Variants in IL15RA observed in about 807,000 individuals in gnomAD.
The protein encoded by IL15RA is interleukin-15 receptor subunit alpha.
IL15RA carries 26 observed loss-of-function variants against 24.2 expected under a neutral mutation model. The ratio of observed to expected loss-of-function variants is 1.07; its 90% CI spans 0.79 to 1.49. IL15RA has a LOEUF of 1.49. Among genes scored for constraint, IL15RA ranks in the 40% most tolerant of loss-of-function variants. The pLI is 0.00. For synonymous variants in IL15RA, 166 were observed against 157.6 expected, an observed-to-expected ratio of 1.05 and a Z score of -0.40; for missense variants, 354 against 356.4, an observed-to-expected ratio of 0.99 and a Z score of 0.05.
upstream of IL15RA, among the ~76,000 whole-genome samples, chr10:5,978,556 C>T (rs1186258589): frequency 1.3e-5 from 2 of 152,130 alleles, no homozygotes; most frequent in African/African-American, 4.8e-5. The surrounding 1 kb of genome is among the most constrained non-coding windows in gnomAD (Gnocchi z 5.2). Flanking sequence ...CACAGGTTTA[C>T]CTTTATAACA....
rs1367933509 is a variant in IL15RA at position 5,959,438 on chromosome 10, G to A, written c.616+316C>T. ...GCTGGCATCAGCACCTGTAGTTTTG[G>A]ATGCTCCATGCAAAAGAGGTGCACC... On this transcript the variant is annotated intron_variant, in intron 5 of 6. Coordinates refer to ENST00000379977, the MANE Select transcript of IL15RA (RefSeq NM_002189.4). The surrounding 1 kb of genome is among the most constrained non-coding windows in gnomAD (Gnocchi z 4.1). Among the ~76,000 whole-genome samples the A allele has an allele frequency of 6.6e-6, 1 of 152,304 alleles. No homozygotes were observed. Among genetic ancestry groups the A allele is most frequent in the African/African-American group, 2.4e-5 (1 of 41,580 alleles).
rs1021448525 is a variant in IL15RA, at chr10:5,966,494, G to A, written c.89-155C>T. On this transcript the variant is annotated intron_variant, in intron 1 of 6. Transcript: ENST00000379977. The surrounding 1 kb of genome is among the most constrained non-coding windows in gnomAD (Gnocchi z 6.4). ...GGCACGTGGAGGATGTACAGGAAGA[G>A]CATCCTCACCCAGAAGCCTTCCTGG... is the stretch of plus-strand genomic sequence containing the variant. 6.6e-6 allele frequency among the ~76,000 whole-genome samples: 1 copy of A among 152,132 alleles called. No homozygotes were observed. The highest frequency in any genetic ancestry group is 1.5e-5 in the Non-Finnish European group (1 of 68,004).
intron 5 of IL15RA, among the ~76,000 whole-genome samples, chr10:5,957,073 C>T (rs1303987842): frequency 1.3e-5 from 2 of 151,414 alleles, no homozygotes; most frequent in African/African-American, 4.9e-5. Flanking sequence ...GATTCTCCTG[C>T]CTCAGCCTTC....
chr10:5,956,569 C>T (rs1834548716), intron 5 of IL15RA, 115 bp from the exon 6 acceptor site: 1 of 743,140 alleles, frequency 1.3e-6, no homozygotes, highest in Middle Eastern at 2.3e-4. Flanking sequence ...CAACCAGCCT[C>T]CTGCTAAGGA....
rs572892892 is a variant in IL15RA at position 5,965,205 on chromosome 10, C to T, written c.283+940G>A. Among the ~76,000 whole-genome samples, 83 of 148,554 alleles carry T rather than the reference C, an allele frequency of 5.6e-4. No individual in the cohort carries two copies. Among genetic ancestry groups the T allele is most frequent in the African/African-American group, 1.9e-3 (77 of 40,466 alleles). On this transcript the variant is annotated intron_variant, in intron 2 of 6. Transcript: ENST00000379977. The surrounding 1 kb of genome is among the most constrained non-coding windows in gnomAD (Gnocchi z 5.8). ...CGAGATGGTTTGGCTGCTTCTGGGA[C>T]GTTTATCCAGGTGCAGACAGTTAAA...
In IL15RA at chr10:5,959,871, G is replaced by T; in HGVS notation, c.584-85C>A. ...AGCAGGAGAAAATCTGCATGGCTTGGCTCCCATCTTAGCACCCTGGGAGAC... is the reference window on the plus strand; with the variant it reads ...AGCAGGAGAAAATCTGCATGGCTTGTCTCCCATCTTAGCACCCTGGGAGAC... On this transcript the variant is annotated intron_variant, in intron 4 of 6. Coordinates refer to ENST00000379977, the MANE Select transcript of IL15RA (RefSeq NM_002189.4). This position sits in a 1 kb window ranked among gnomAD's most constrained non-coding sequence, Gnocchi z 4.1. 2 of 1,345,524 alleles carry T rather than the reference G, an allele frequency of 1.5e-6. No homozygotes were observed. The highest frequency in any genetic ancestry group is 1.1e-6 in the Non-Finnish European group (1 of 944,706). 83.3% of individuals were successfully genotyped at this position (1,345,524 alleles called of 1,614,324 possible).
Position 5,963,109 on chromosome 10 carries a change from C to T in IL15RA, c.382+634G>A, listed in dbSNP as rs1835875602. Among the ~76,000 whole-genome samples, 1 of 152,220 alleles carries T rather than the reference C, an allele frequency of 6.6e-6. No individual in the cohort carries two copies. Among genetic ancestry groups the T allele is most frequent in the Non-Finnish European group, 1.5e-5 (1 of 68,042 alleles). The stretch of plus-strand genomic sequence containing the variant: ...CTTGCAGACAGAGGAGCTGATGGCC[C>T]TTTCTCTGGACCATCCTCTCAAGGG... On this transcript the variant is annotated intron_variant, in intron 3 of 6. Coordinates refer to ENST00000379977, the MANE Select transcript of IL15RA (RefSeq NM_002189.4). This position sits in a 1 kb window ranked among gnomAD's most constrained non-coding sequence, Gnocchi z 5.3.
Position 5,966,149 on chromosome 10 carries a change from G to A in IL15RA, c.279C>T (p.Cys93=). The A allele has an allele frequency of 6.2e-7, 1 of 1,605,310 alleles. No homozygotes were observed. The highest frequency in any genetic ancestry group is 1.1e-5 in the South Asian group (1 of 90,926). ...GGGGTGGCAAGGGCTACTCACTAAT[G>A]CATTTGAGACTGGGGGTTGTCCAGT... ...VAHWTTPSLK[C]IRDPALVHQR... Residue 93 remains cysteine (C), a synonymous_variant, in exon 2 of 7, where the codon TGC becomes TGT. Transcript: ENST00000379977. The surrounding 1 kb of genome is among the most constrained non-coding windows in gnomAD (Gnocchi z 6.4).
intron 6 of IL15RA, among the ~76,000 whole-genome samples, chr10:5,954,653 G>C (rs751705458): frequency 2.0e-5 from 3 of 151,894 alleles, no homozygotes; most frequent in Non-Finnish European, 4.4e-5. Flanking sequence ...CATATTTATT[G>C]GCCGTATATA....
chr10:5,969,656 G>A (rs41294189), intron 1 of IL15RA, among the ~76,000 whole-genome samples: 24 of 152,240 alleles, frequency 1.6e-4, no homozygotes, highest in Non-Finnish European at 3.4e-4. Flanking sequence ...GAGCCACCCC[G>A]CCTGGCCTAC....
chr10:5,953,245 G>A lies in IL15RA; in HGVS notation c.693-39C>T. On this transcript the variant is annotated intron_variant, in intron 6 of 6. Transcript: ENST00000379977. The surrounding 1 kb of genome is among the most constrained non-coding windows in gnomAD (Gnocchi z 5.3). ...GGTTCATAGGTTTTGAAAAGAGGAGGGGGTTGCCCTCAAATCAACAGACGC... is the reference window on the plus strand; with the variant it reads ...GGTTCATAGGTTTTGAAAAGAGGAGAGGGTTGCCCTCAAATCAACAGACGC... 2 of 1,474,262 alleles carry A rather than the reference G, an allele frequency of 1.4e-6. No homozygotes were observed. The highest frequency in any genetic ancestry group is 1.1e-5 in the South Asian group (1 of 88,102). 91.3% of individuals were successfully genotyped at this position (1,474,262 alleles called of 1,614,324 possible).
chr10:5,968,819 GTT>G lies in IL15RA; in HGVS notation c.89-2482_89-2481del. The stretch of plus-strand genomic sequence containing the variant: ...TCCGATGGTGGTGGCACTGGGGGCA[GTT>G]TTCCATTGTCCTGAGTCTCACGCAG... On this transcript the variant is annotated intron_variant, in intron 1 of 6. Coordinates refer to ENST00000379977, the MANE Select transcript of IL15RA (RefSeq NM_002189.4). The surrounding 1 kb of genome is among the most constrained non-coding windows in gnomAD (Gnocchi z 5.4). The G allele has an allele frequency of 2.6e-6, 2 of 775,996 alleles. No individual in the cohort carries two copies. The highest frequency in any genetic ancestry group is 4.4e-6 in the Non-Finnish European group (2 of 452,426). The allele number at this position is 775,996 out of a possible 1,614,324, so 48.1% of individuals were successfully genotyped here.
At chr10:5,977,183 C>G (rs1376744047) in intron 1 of IL15RA, 7 of 347,792 alleles carry the variant, frequency 2.0e-5, no homozygotes, top group Non-Finnish European at 2.6e-5. Flanking sequence ...GTGGGTGACC[C>G]GGGCGCAGCG....
At chr10:5,949,182 C>T (rs182792465), downstream of IL15RA, 42 of 470,748 alleles carry the variant, frequency 8.9e-5, no homozygotes, top group East Asian at 1.2e-3. This position sits in a 1 kb window ranked among gnomAD's most constrained non-coding sequence, Gnocchi z 4.4. Flanking sequence ...ACATCTCCCA[C>T]GCCAGGAGGA....
chr10:5,963,836 G>C lies in IL15RA; in HGVS notation c.289C>G (p.Pro97Ala), dbSNP rs148133619. The change falls in exon 3 of 7, where the codon CCT becomes GCT. Residue 97 changes from proline (P) to alanine (A), a missense_variant. Transcript: ENST00000379977. This position sits in a 1 kb window ranked among gnomAD's most constrained non-coding sequence, Gnocchi z 5.3. ...TTPSLKCIRD[P>A]ALVHQRPAPP... ...GCTGGCCTTTGGTGAACCAGGGCAG[G>C]GTCTCCTAGAGAGAGGATAACCACA... 809 of 1,560,052 alleles carry C rather than the reference G, an allele frequency of 5.2e-4. 2 individuals carry two copies. Among genetic ancestry groups the C allele is most frequent in the Non-Finnish European group, 6.4e-4 (741 of 1,160,194 alleles).
rs968672056 is a variant in IL15RA at position 5,975,746 on chromosome 10, T to C, written c.88+1659A>G. The stretch of plus-strand genomic sequence containing the variant: ...CCGTCTCTATTAAAAACACAAAAGT[T>C]ACTGGGCGTGGTGGCGATCGCCTGT... On this transcript the variant is annotated intron_variant, in intron 1 of 6. Transcript: ENST00000379977. This position sits in a 1 kb window ranked among gnomAD's most constrained non-coding sequence, Gnocchi z 4.8. 6.6e-6 allele frequency among the ~76,000 whole-genome samples: 1 copy of C among 151,718 alleles called. No individual in the cohort carries two copies. The highest frequency in any genetic ancestry group is 1.5e-5 in the Non-Finnish European group (1 of 67,918).
chr10:5,966,081 TTC>T lies in IL15RA; in HGVS notation c.283+62_283+63del. ...ATCCCTTGACCCCTGAGATGGGGTCTTCTCTCTGTGCAGCCTTGGCAGGGTGG... is the reference window on the plus strand; with the variant it reads ...ATCCCTTGACCCCTGAGATGGGGTCTTCTCTGTGCAGCCTTGGCAGGGTGG... On this transcript the variant is annotated intron_variant, in intron 2 of 6. Transcript: ENST00000379977. The surrounding 1 kb of genome is among the most constrained non-coding windows in gnomAD (Gnocchi z 6.4). 1 of 1,180,380 alleles carries T rather than the reference TTC, an allele frequency of 8.5e-7. No individual in the cohort carries two copies. Among genetic ancestry groups the T allele is most frequent in the Non-Finnish European group, 1.2e-6 (1 of 803,822 alleles). The allele number at this position is 1,180,380 out of a possible 1,614,324, so 73.1% of individuals were successfully genotyped here.
At position 5,953,707 on chromosome 10, in the gene IL15RA, T is replaced by C. The variant is rs1025129006; in HGVS notation, c.693-501A>G. The C allele has an allele frequency of 3.7e-6, 1 of 268,334 alleles. No homozygotes were observed. Among genetic ancestry groups the C allele is most frequent in the African/African-American group, 2.2e-5 (1 of 45,880 alleles). 16.6% of individuals were successfully genotyped at this position (268,334 alleles called of 1,614,324 possible). A position where few individuals can be genotyped will look rare whatever the true frequency, so the allele number is the denominator to read the frequency against. The stretch of plus-strand genomic sequence containing the variant: ...ACTGGGAGCCTAGCCAAACCAGAGT[T>C]GATCATCTTGAAAAAAGTGATTTAA... On this transcript the variant is annotated intron_variant, in intron 6 of 6. Coordinates refer to ENST00000379977, the MANE Select transcript of IL15RA (RefSeq NM_002189.4). This position sits in a 1 kb window ranked among gnomAD's most constrained non-coding sequence, Gnocchi z 5.3.
chr10:5,963,680 G>T lies in IL15RA; in HGVS notation c.382+63C>A. The stretch of plus-strand genomic sequence containing the variant: ...AGAGGTCCGTGAGTCTGCAGGATTG[G>T]TGAGCGGGCCTCTGGGTGTTGGGAG... On this transcript the variant is annotated intron_variant, in intron 3 of 6. Coordinates refer to ENST00000379977, the MANE Select transcript of IL15RA (RefSeq NM_002189.4). This position sits in a 1 kb window ranked among gnomAD's most constrained non-coding sequence, Gnocchi z 5.3. 1 of 1,034,660 alleles carries T rather than the reference G, an allele frequency of 9.7e-7. No individual in the cohort carries two copies. The highest frequency in any genetic ancestry group is 1.4e-6 in the Non-Finnish European group (1 of 732,386). The allele number at this position is 1,034,660 out of a possible 1,614,324, so 64.1% of individuals were successfully genotyped here. A position where few individuals can be genotyped will look rare whatever the true frequency, so the allele number is the denominator to read the frequency against.
Sources: allele counts gnomAD v4.1 joint callset (sites outside exome capture counted in the v4.1 genomes callset), GRCh38; gene constraint gnomAD v4.1.1; non-coding constraint Gnocchi (gnomAD v3.1); transcripts MANE v1.5; gene names NCBI Gene and HGNC (gene_info 2026-07-23, HGNC 2026-07-21).